Variants in LAS1L observed in about 807,000 individuals in gnomAD.
The protein encoded by LAS1L is LAS1 like ribosome biogenesis factor.
In LAS1L, 5 loss-of-function variants were observed where a neutral mutation model predicts 57.3. The observed-to-expected ratio is 0.09, with a 90% CI of 0.05 to 0.18. The LOEUF (loss-of-function observed/expected upper bound fraction) is 0.18. Ranked by LOEUF, LAS1L falls within the 10% of genes least tolerant of loss-of-function variation. The probability of loss-of-function intolerance (pLI) is 1.00; values close to 1 mark genes in which losing one functional copy is unlikely to be tolerated. For synonymous variants in LAS1L, 245 were observed against 231.7 expected (o/e 1.06, Z -0.52); for missense variants, 360 against 568.3 (o/e 0.63, Z 3.73).
intron 4 of LAS1L, among the ~76,000 whole-genome samples, chrX:65,530,210 T>C (rs1275209966): frequency 8.9e-6 from 1 of 112,775 alleles, no homozygotes; most frequent in African/African-American, 3.2e-5. Context: ...CTTTTCTAGA[T>C]CTGTTTTCCC....
Position 65,524,313 on chromosome X carries a change from G to T in LAS1L, c.1094-51C>A, listed in dbSNP as rs763483309. ...GGGGGGCAATAGGAGAGAGAGAGCA[G>T]GAGAGCACGAAAGAGAGAGCAAGAG... On this transcript the variant is annotated intron_variant, in intron 9 of 13. Coordinates refer to ENST00000374811, the MANE Select transcript of LAS1L (RefSeq NM_031206.7). 4 of 978,835 alleles carry T rather than the reference G, an allele frequency of 4.1e-6. No homozygotes were observed. The African/African-American group carries it at 5.7e-5, about 14-fold the overall frequency. The allele number at this position is 978,835 out of a possible 1,213,427, so 80.7% of individuals were successfully genotyped here. A position where few individuals can be genotyped will look rare whatever the true frequency, so the allele number is the denominator to read the frequency against.
At chrX:65,517,408 C>G (rs988803073) in intron 12 of LAS1L, among the ~76,000 whole-genome samples, 3 of 110,413 alleles carry the variant, frequency 2.7e-5, no homozygotes, top group Non-Finnish European at 5.7e-5. Flanking sequence ...CCACCACGCC[C>G]AGCTAATTTT....
chrX:65,516,372 T>G (rs2148264914), intron 12 of LAS1L, among the ~76,000 whole-genome samples: 1 of 110,984 alleles, frequency 9.0e-6, no homozygotes, highest in African/African-American at 3.3e-5. Flanking sequence ...GCTGTCTACA[T>G]CACTACCCCT....
chrX:65,529,236 T>C lies in LAS1L; in HGVS notation c.822A>G (p.Val274=). 1 of 1,209,816 alleles carries C rather than the reference T, an allele frequency of 8.3e-7. No individual in the cohort carries two copies. Among genetic ancestry groups the C allele is most frequent in the Middle Eastern group, 2.3e-4 (1 of 4,353 alleles). ...ELYERARELL[V]SYEEEQFTVL... ...CCGTAAACTGCTCCTCTTCGTATGA[T>C]ACCAGCAGTTCTCGGGCTCTTTCTG... The change falls in exon 6 of 14, where the codon GTA becomes GTG. Residue 274 remains valine, a synonymous_variant. Coordinates refer to ENST00000374811, the MANE Select transcript of LAS1L (RefSeq NM_031206.7).
chrX:65,528,862 C>A (rs751589391), intron 6 of LAS1L, among the ~76,000 whole-genome samples: 1 of 112,411 alleles, frequency 8.9e-6, no homozygotes, highest in African/African-American at 3.2e-5. Context: ...AAAAACAGCA[C>A]CCCTCCAGCT....
intron 12 of LAS1L, among the ~76,000 whole-genome samples, chrX:65,516,240 T>C (rs943026279): frequency 9.0e-6 from 1 of 111,436 alleles, no homozygotes; most frequent in Non-Finnish European, 1.9e-5. Context: ...CTGGAAGTTG[T>C]GCCTGTCTTA....
At chrX:65,517,250 CT>C (rs397895342) in intron 12 of LAS1L, among the ~76,000 whole-genome samples, 87 of 83,225 alleles carry the variant, frequency 1.0e-3, no homozygotes, top group Admixed American at 1.4e-3. Context: ...TTCTTTCTTT[CT>C]TTTTTTTTTT....
chrX:65,523,736 A>C (rs779933715), intron 10 of LAS1L, 29 bp from the exon 11 acceptor site: 1 of 1,151,282 alleles, frequency 8.7e-7, no homozygotes, highest in East Asian at 3.2e-5. Flanking sequence ...TCTAAGGAGA[A>C]GGAAGCAGTG....
chrX:65,515,042 T>G, intron 12 of LAS1L, 69 bp from the exon 13 acceptor site: 1 of 1,061,350 alleles, frequency 9.4e-7, no homozygotes, highest in Non-Finnish European at 1.3e-6. Context: ...ACAGGCCTGC[T>G]CACCCTGTCC....
intron 11 of LAS1L, 23 bp downstream of exon 11, chrX:65,523,537 C>G (rs1444329207): frequency 1.7e-6 from 2 of 1,152,453 alleles, no homozygotes; most frequent in East Asian, 3.0e-5. Context: ...ACCCTCTTAC[C>G]GGATGGAATT....
intron 13 of LAS1L, 143 bp downstream of exon 13, chrX:65,514,680 A>G (rs2068566899): frequency 3.7e-6 from 2 of 545,316 alleles, no homozygotes; most frequent in Admixed American, 4.5e-5. Flanking sequence ...GCAAGGGCCC[A>G]GCCAGGGACT....
Position 65,518,059 on chromosome X carries a change from T to C in LAS1L, c.1855A>G (p.Thr619Ala). The C allele has an allele frequency of 8.3e-7, 1 of 1,211,995 alleles. No individual in the cohort carries two copies. The highest frequency in any genetic ancestry group is 3.0e-5 in the East Asian group (1 of 33,867). ...GPFSTGQESP[T>A]AENARLLAQK... Reference sequence around the variant, plus strand: ...GCCAGAAGCCTAGCATTCTCGGCAGTGGGGGACTCTTGCCCTGTAGAGAAA... The same window carrying C: ...GCCAGAAGCCTAGCATTCTCGGCAGCGGGGGACTCTTGCCCTGTAGAGAAA... Residue 619 changes from threonine (T) to alanine (A), a missense_variant, in exon 12 of 14, where the codon ACT (threonine) becomes GCT (alanine). By Grantham distance (58) the Thr-to-Ala change is moderately conservative. Transcript: ENST00000374811.
At chrX:65,515,088 C>A in intron 12 of LAS1L, 115 bp from the exon 13 acceptor site, 1 of 662,090 alleles carries the variant, frequency 1.5e-6, no homozygotes, top group South Asian at 3.3e-5. Context: ...TGGGCTCTCT[C>A]AGGATCTCCA....
intron 3 of LAS1L, 62 bp from the exon 4 acceptor site, chrX:65,531,500 G>A (rs1302813005): frequency 4.8e-6 from 4 of 841,064 alleles, no homozygotes; most frequent in Non-Finnish European, 7.0e-6. Context: ...CTGGAAGGGA[G>A]CCAGAGATTA....
At chrX:65,515,439 G>C (rs1257442689) in intron 12 of LAS1L, among the ~76,000 whole-genome samples, 1 of 110,125 alleles carries the variant, frequency 9.1e-6, no homozygotes, top group Non-Finnish European at 1.9e-5. Context: ...CAGTACCTCA[G>C]AGTAGCTGAA....
intron 7 of LAS1L, among the ~76,000 whole-genome samples, chrX:65,526,565 T>G (rs2069155451): frequency 9.0e-6 from 1 of 111,199 alleles, no homozygotes; most frequent in Admixed American, 9.5e-5. Context: ...TACACTGCAG[T>G]TCTCACCCAG....
rs771758902 is a variant in LAS1L, at chrX:65,528,498, G to C, written c.847-129C>G. The C allele has an allele frequency of 1.9e-3, 843 of 437,572 alleles. 1 individual carries two copies. The highest frequency in any genetic ancestry group is 3.0e-3 in the Non-Finnish European group (756 of 251,299). The allele number at this position is 437,572 out of a possible 1,213,427, so 36.1% of individuals were successfully genotyped here. Reference sequence around the variant, plus strand: ...GGGACAGGGCAGGGCATGCAGGGGGGGGCCCACAACTCCCCTACTGGCCTT... The same window carrying C: ...GGGACAGGGCAGGGCATGCAGGGGGCGGCCCACAACTCCCCTACTGGCCTT... On this transcript the variant is annotated intron_variant, in intron 6 of 13. Coordinates refer to ENST00000374811, the MANE Select transcript of LAS1L (RefSeq NM_031206.7).
intron 11 of LAS1L, chrX:65,521,291 C>CA: frequency 4.0e-6 from 3 of 753,813 alleles, no homozygotes; most frequent in Non-Finnish European, 4.7e-6. Context: ...GACAGCACTG[C>CA]TGGGAATGAG....
In LAS1L at chrX:65,534,485, C is replaced by T. The variant is rs901839092; in HGVS notation, c.231G>A (p.Arg77=). The change falls in exon 1 of 14, where the codon AGG becomes AGA. Residue 77 remains arginine (R), a synonymous_variant. Coordinates refer to ENST00000374811, the MANE Select transcript of LAS1L (RefSeq NM_031206.7). ...GGCCGAACCCGCCACCTTACCTGCT[C>T]CTCCACACCGTGATGCGGTTAAGCG... is the stretch of plus-strand genomic sequence containing the variant. ...RYALNRITVW[R]SRSGNELPLA... is the part of the protein sequence containing the mutation. 2 of 1,200,278 alleles carry T rather than the reference C, an allele frequency of 1.7e-6. No homozygotes were observed. Among genetic ancestry groups the T allele is most frequent in the East Asian group, 3.0e-5 (1 of 33,473 alleles).
Sources: allele counts gnomAD v4.1 joint callset (sites outside exome capture counted in the v4.1 genomes callset), GRCh38; gene constraint gnomAD v4.1.1; transcripts MANE v1.5; gene names NCBI Gene and HGNC (gene_info 2026-07-23, HGNC 2026-07-21).